Variants in SLIT1 observed in about 807,000 individuals in gnomAD.
The protein encoded by SLIT1 is slit guidance ligand 1.
Under a neutral mutation model 186.1 loss-of-function variants are expected in SLIT1, and 66 were observed. That is an observed-to-expected ratio of 0.35 (90% CI 0.29 to 0.44). The LOEUF is 0.44. SLIT1 is among the 20% of genes least tolerant of loss of function. SLIT1 has a pLI of 1.00. For missense variants in SLIT1, 1,638 were observed against 2,037.4 expected (o/e 0.80, Z 3.77); for synonymous variants, 761 against 833.8 (o/e 0.91, Z 1.50).
At chr10:97,070,266 G>A (rs973877125) in intron 4 of SLIT1, among the ~76,000 whole-genome samples, 6 of 152,204 alleles carry the variant, frequency 3.9e-5, no homozygotes, top group Admixed American at 1.3e-4. Flanking sequence ...CATTGGTTAC[G>A]CACAATTGAT....
chr10:97,168,469 C>G (rs908913127), intron 1 of SLIT1, among the ~76,000 whole-genome samples: 2 of 152,200 alleles, frequency 1.3e-5, no homozygotes, highest in Non-Finnish European at 2.9e-5. Context: ...ATGTGCAAAG[C>G]ATTTTGCAAG....
At chr10:97,017,678 C>T (rs1232344732) in intron 28 of SLIT1, among the ~76,000 whole-genome samples, 1 of 152,174 alleles carries the variant, frequency 6.6e-6, no homozygotes, top group African/African-American at 2.4e-5. Flanking sequence ...CAGGCCTTGG[C>T]TCCCACCTCT....
chr10:97,169,270 G>A (rs1288274276), intron 1 of SLIT1, among the ~76,000 whole-genome samples: 2 of 152,170 alleles, frequency 1.3e-5, no homozygotes, highest in South Asian at 4.1e-4. Flanking sequence ...TCTCAGGGGA[G>A]AGCCCCTCAG....
chr10:97,177,385 C>T (rs973402024), intron 1 of SLIT1, among the ~76,000 whole-genome samples: 7 of 152,214 alleles, frequency 4.6e-5, no homozygotes, highest in Admixed American at 1.3e-4. Flanking sequence ...CAGAGTCTGC[C>T]ACGCCGTTCC....
chr10:97,030,942 C>A (rs932888908), intron 24 of SLIT1, 114 bp from the exon 25 acceptor site: 3 of 854,682 alleles, frequency 3.5e-6, no homozygotes, highest in Admixed American at 2.1e-5. Flanking sequence ...TCCCTCTAGG[C>A]CTCTCAGTCA....
At chr10:97,107,296 G>A (rs1473812622) in intron 4 of SLIT1, among the ~76,000 whole-genome samples, 16 of 152,206 alleles carry the variant, frequency 1.1e-4, no homozygotes, top group Admixed American at 9.8e-4. Context: ...CAACGGTAAC[G>A]TGTTGTTATT....
At chr10:97,065,308 C>A (rs1178734056) in intron 5 of SLIT1, among the ~76,000 whole-genome samples, 1 of 152,112 alleles carries the variant, frequency 6.6e-6, no homozygotes, top group Non-Finnish European at 1.5e-5. Context: ...GTGCTGCTGT[C>A]AGAGTAAACT....
At chr10:97,030,316 C>T (rs370723615) in intron 25 of SLIT1, among the ~76,000 whole-genome samples, 2 of 152,260 alleles carry the variant, frequency 1.3e-5, no homozygotes, top group South Asian at 2.1e-4. Flanking sequence ...TGTGTGAAGT[C>T]GGAGGCACAG....
At position 97,006,434 on chromosome 10, in the gene SLIT1, G is replaced by T. The variant is rs183871146; in HGVS notation, c.3579+49C>A. The T allele has an allele frequency of 1.0e-3, 1,392 of 1,348,530 alleles. 10 individuals are homozygous for T. The Middle Eastern group carries it at 0.014, about 13-fold the overall frequency. 83.5% of individuals were successfully genotyped at this position (1,348,530 alleles called of 1,614,324 possible). On this transcript the variant is annotated intron_variant, in intron 32 of 36. Transcript: ENST00000266058. This position sits in a 1 kb window ranked among gnomAD's most constrained non-coding sequence, Gnocchi z 4.0. The stretch of plus-strand genomic sequence containing the variant: ...TCCTGATGCTCTGGCCTAAGCCAGG[G>T]TCGCCTGCTCCCTGACTCCCCTCTG...
intron 20 of SLIT1, among the ~76,000 whole-genome samples, chr10:97,040,449 A>G (rs1296128736): frequency 6.6e-6 from 1 of 152,082 alleles, no homozygotes; most frequent in African/African-American, 2.4e-5. Flanking sequence ...CTGGATCGAC[A>G]TTGTCTCCTT....
At chr10:97,118,561 A>G (rs975032083) in intron 4 of SLIT1, among the ~76,000 whole-genome samples, 4 of 152,194 alleles carry the variant, frequency 2.6e-5, no homozygotes, top group Non-Finnish European at 5.9e-5. Flanking sequence ...CTGACCTTCA[A>G]TAGAAAAGGC....
At chr10:97,119,929 A>G (rs1281468302) in intron 4 of SLIT1, among the ~76,000 whole-genome samples, 3 of 130,404 alleles carry the variant, frequency 2.3e-5, no homozygotes, top group Non-Finnish European at 4.9e-5. Flanking sequence ...ATATATATAT[A>G]TATATATATA....
rs369602573 is a variant in SLIT1, at chr10:97,031,660, G to A, written c.2456C>T (p.Ala819Val). ...QLTTLILSYN[A>V]LQCIPPLAFQ... ...GGCCAAAGGCGGGATGCACTGCAGGGCATTGTAGCTGAGGATCCTGCGGAG... is the reference window on the plus strand; with the variant it reads ...GGCCAAAGGCGGGATGCACTGCAGGACATTGTAGCTGAGGATCCTGCGGAG... Residue 819 changes from alanine (A) to valine (V), a missense_variant, in exon 24 of 37, where the codon GCC becomes GTC. Around this residue, in one of 3 missense-constraint regions of SLIT1, gnomAD observed 1,245 missense variants for 1,535.3 expected, o/e 0.81. Transcript: ENST00000266058. 6.4e-7 allele frequency: 1 copy of A among 1,551,654 alleles called. No homozygotes were observed. The highest frequency in any genetic ancestry group is 8.7e-7 in the Non-Finnish European group (1 of 1,146,910).
chr10:97,102,114 T>C (rs953237578), intron 4 of SLIT1: 2 of 152,136 alleles, frequency 1.3e-5, no homozygotes, highest in South Asian at 2.1e-4. Flanking sequence ...CAGGGTGATG[T>C]AGATGCACGT....
intron 4 of SLIT1, among the ~76,000 whole-genome samples, chr10:97,096,571 G>A (rs1273242844): frequency 6.6e-6 from 1 of 152,042 alleles, no homozygotes; most frequent in South Asian, 2.1e-4. Context: ...AAGGCTTCAC[G>A]GAGCCCGAGC....
At chr10:97,090,895 G>A (rs576771160) in intron 4 of SLIT1, among the ~76,000 whole-genome samples, 4 of 152,356 alleles carry the variant, frequency 2.6e-5, no homozygotes, top group African/African-American at 9.6e-5. Flanking sequence ...TGCTGAAGGG[G>A]GTGGCAAGCA....
intron 1 of SLIT1, among the ~76,000 whole-genome samples, chr10:97,165,829 T>A (rs1850097795): frequency 6.6e-6 from 1 of 152,108 alleles, no homozygotes; most frequent in Non-Finnish European, 1.5e-5. Flanking sequence ...CATGCTGGGC[T>A]GCCTGGCCCC....
chr10:97,177,157 A>C (rs1564695754), intron 1 of SLIT1, among the ~76,000 whole-genome samples: 1 of 152,156 alleles, frequency 6.6e-6, no homozygotes, highest in Non-Finnish European at 1.5e-5. Flanking sequence ...CATAGGTTGA[A>C]GCGCTTCCCC....
intron 4 of SLIT1, among the ~76,000 whole-genome samples, chr10:97,074,712 C>T (rs928398590): frequency 2.6e-5 from 4 of 152,212 alleles, no homozygotes; most frequent in Non-Finnish European, 4.4e-5. Context: ...ATCGGGCAAC[C>T]CCAGTCGGCC....
Sources: allele counts gnomAD v4.1 joint callset (sites outside exome capture counted in the v4.1 genomes callset), GRCh38; gene constraint gnomAD v4.1.1; regional missense constraint gnomAD v4.1.1; non-coding constraint Gnocchi (gnomAD v3.1); transcripts MANE v1.5; gene names NCBI Gene and HGNC (gene_info 2026-07-23, HGNC 2026-07-21).